MDGA2: variants seen among roughly 807,000 people sequenced by gnomAD.
MDGA2 encodes MAM domain-containing glycosylphosphatidylinositol anchor protein 2.
MDGA2 carries 40 observed loss-of-function variants against 117.8 expected under a neutral mutation model. The ratio of observed to expected loss-of-function variants is 0.34; its 90% confidence interval spans 0.26 to 0.44. MDGA2 has a LOEUF of 0.44. MDGA2 is among the 20% of genes least tolerant of loss of function. The probability of loss-of-function intolerance (pLI) is 1.00; values close to 1 mark genes in which losing one functional copy is unlikely to be tolerated. For synonymous variants in MDGA2, 452 were observed against 439.0 expected (o/e 1.03, Z -0.37); for missense variants, 1,123 against 1,250.6 (o/e 0.90, Z 1.54).
intron 1 of MDGA2, among the ~76,000 whole-genome samples, chr14:47,673,086 G>T (rs1418516661): frequency 1.3e-5 from 2 of 152,134 alleles, no homozygotes; most frequent in Non-Finnish European, 2.9e-5. Flanking sequence ...GCCAAGAAGG[G>T]AGCTAGAAAC....
At chr14:47,233,583 G>A (rs926957984) in intron 2 of MDGA2, among the ~76,000 whole-genome samples, 9 of 152,074 alleles carry the variant, frequency 5.9e-5, no homozygotes, top group Admixed American at 3.3e-4. Context: ...AGTAAGGTGG[G>A]TCATTAAAGC....
chr14:47,235,723 T>C (rs907372103), intron 2 of MDGA2, among the ~76,000 whole-genome samples: 8 of 152,166 alleles, frequency 5.3e-5, no homozygotes, highest in African/African-American at 1.9e-4. Flanking sequence ...TCTGGAAGGT[T>C]TGCAAAGGGA....
chr14:47,074,161 T>C (rs1424642439), intron 6 of MDGA2, among the ~76,000 whole-genome samples: 1 of 151,826 alleles, frequency 6.6e-6, no homozygotes, highest in Non-Finnish European at 1.5e-5. Context: ...ACTAATATAA[T>C]ACAGAAAGTC....
rs1386381056 is a variant in MDGA2 at position 47,244,539 on chromosome 14, A to G, written c.421-26344T>C. On this transcript the variant is annotated intron_variant, in intron 2 of 16. Coordinates refer to ENST00000399232, the MANE Select transcript of MDGA2 (RefSeq NM_001113498.3). ...GAATCTCAATTATATACTTATAAATATAATTGTCTTAATTCTTCAAAATTA... is the reference window on the plus strand; with the variant it reads ...GAATCTCAATTATATACTTATAAATGTAATTGTCTTAATTCTTCAAAATTA... Among the ~76,000 whole-genome samples, 5 of 151,998 alleles carry G rather than the reference A, an allele frequency of 3.3e-5. No homozygotes were observed. In the East Asian group the frequency reaches 7.7e-4, roughly 23 times the overall value.
At chr14:47,083,437 A>C (rs1245907342) in intron 6 of MDGA2, among the ~76,000 whole-genome samples, 2 of 151,318 alleles carry the variant, frequency 1.3e-5, no homozygotes, top group Non-Finnish European at 3.0e-5. Flanking sequence ...ACTTAGTGAA[A>C]GGAATAGGGA....
chr14:47,518,531 T>C (rs143945444), intron 1 of MDGA2, among the ~76,000 whole-genome samples: 18 of 152,330 alleles, frequency 1.2e-4, no homozygotes, highest in Admixed American at 3.9e-4. Context: ...TAGATAAGAA[T>C]ATGCTCATAA....
intron 7 of MDGA2, among the ~76,000 whole-genome samples, chr14:47,049,213 T>G (rs1889367636): frequency 6.6e-6 from 1 of 152,048 alleles, no homozygotes; most frequent in Admixed American, 6.6e-5. Context: ...GCTTGTCATT[T>G]TATTATTTCT....
rs1555369475 is a variant in MDGA2, at chr14:47,280,343, A to AAAAG, written c.420+21067_420+21068insCTTT. Among the ~76,000 whole-genome samples the AAAAG allele has an allele frequency of 1.9e-3, 262 of 136,696 alleles. 1 individual carries two copies. Among genetic ancestry groups the AAAAG allele is most frequent in the Middle Eastern group, 8.3e-3 (2 of 240 alleles). 89.7% of individuals were successfully genotyped at this position (136,696 alleles called of 152,430 possible). A position where few individuals can be genotyped will look rare whatever the true frequency, so the allele number is the denominator to read the frequency against. Reference sequence around the variant, plus strand: ...AAAAAAAAAAAAAAAAAAAAAAAAAAAGAGAGATTGTCAGACATCGATCTA... The same window carrying AAAAG: ...AAAAAAAAAAAAAAAAAAAAAAAAAAAAAGAGAGAGATTGTCAGACATCGATCTA... On this transcript the variant is annotated intron_variant, in intron 2 of 16. Transcript: ENST00000399232.
At chr14:47,281,017 T>C (rs1296320848) in intron 2 of MDGA2, among the ~76,000 whole-genome samples, 1 of 147,644 alleles carries the variant, frequency 6.8e-6, no homozygotes, top group Non-Finnish European at 1.5e-5. Flanking sequence ...ATATAATATA[T>C]AATAAAATAT....
At chr14:47,508,080 G>C (rs965988164) in intron 1 of MDGA2, among the ~76,000 whole-genome samples, 1 of 152,178 alleles carries the variant, frequency 6.6e-6, no homozygotes, top group African/African-American at 2.4e-5. Flanking sequence ...TGATATAGTA[G>C]TGTAATCATT....
At chr14:47,173,637 C>A (rs922152574) in intron 3 of MDGA2, among the ~76,000 whole-genome samples, 90 of 152,244 alleles carry the variant, frequency 5.9e-4, no homozygotes, top group African/African-American at 2.0e-3. Context: ...CCTAAAAGAG[C>A]TCCTGAAGGA....
At chr14:47,096,636 T>C (rs546114976) in intron 6 of MDGA2, among the ~76,000 whole-genome samples, 2 of 152,148 alleles carry the variant, frequency 1.3e-5, no homozygotes, top group South Asian at 4.1e-4. Flanking sequence ...AAGAATATGT[T>C]ATGAAAGCTA....
chr14:47,047,231 G>C (rs1278066696), intron 7 of MDGA2, among the ~76,000 whole-genome samples: 1 of 151,986 alleles, frequency 6.6e-6, no homozygotes, highest in African/African-American at 2.4e-5. Context: ...TGGAGAGTTT[G>C]GAAGACTTGT....
intron 6 of MDGA2, among the ~76,000 whole-genome samples, chr14:47,092,253 T>C (rs1370302170): frequency 2.0e-5 from 3 of 152,154 alleles, no homozygotes; most frequent in Non-Finnish European, 1.5e-5. Context: ...ATAAATCACC[T>C]TCAAGAATGC....
chr14:46,934,409 T>C (rs1884703944), intron 9 of MDGA2, among the ~76,000 whole-genome samples: 1 of 152,138 alleles, frequency 6.6e-6, no homozygotes, highest in South Asian at 2.1e-4. Flanking sequence ...TTCACAAATA[T>C]TAACTTAGTT....
chr14:47,460,847 T>A (rs1893468253), intron 1 of MDGA2, among the ~76,000 whole-genome samples: 1 of 152,156 alleles, frequency 6.6e-6, no homozygotes, highest in South Asian at 2.1e-4. Flanking sequence ...ATAAGTCCCA[T>A]CATCAGAAAT....
At chr14:47,461,269 ATGTGTGTG>A (rs55889646) in intron 1 of MDGA2, among the ~76,000 whole-genome samples, 1 of 142,838 alleles carries the variant, frequency 7.0e-6, no homozygotes, top group Non-Finnish European at 1.5e-5. Flanking sequence ...AAAAAAATGT[ATGTGTGTG>A]TGTGTGTGTG....
At chr14:47,200,466 T>C (rs977322689) in intron 3 of MDGA2, 68 of 481,630 alleles carry the variant, frequency 1.4e-4, no homozygotes, top group African/African-American at 1.2e-3. Flanking sequence ...ATGACATTAG[T>C]TTTTAATTAC....
At chr14:47,466,164 T>G (rs1893599790) in intron 1 of MDGA2, among the ~76,000 whole-genome samples, 1 of 151,770 alleles carries the variant, frequency 6.6e-6, no homozygotes, top group Non-Finnish European at 1.5e-5. Context: ...CTGGGGTGTA[T>G]GTGAGGGTGG....
Sources: gnomAD v4.1 joint callset for allele counts (sites outside exome capture counted in the v4.1 genomes callset) on GRCh38, gnomAD v4.1.1 for gene constraint, MANE v1.5 for transcripts, NCBI Gene and HGNC (gene_info 2026-07-23, HGNC 2026-07-21) for gene names.